Variants in VCF2 observed in about 807,000 individuals in gnomAD.
VCF2 encodes VCP nuclear cofactor family member 2.
At chrX:55,145,903 T>G in the VCF2 span, 3 of 996,429 alleles carry the variant, frequency 3.0e-6, no homozygotes, top group Non-Finnish European at 1.3e-6. Flanking sequence ...AAATAAAAAT[T>G]TCATAAACAT....
At chrX:55,160,952 G>T in the VCF2 span, 9 of 1,162,560 alleles carry the variant, frequency 7.7e-6, no homozygotes, top group Non-Finnish European at 1.0e-5. Context: ...AAGCAGGGCC[G>T]CGCCACCGGC....
At chrX:55,156,448 A>T in the VCF2 span, among the ~76,000 whole-genome samples, 1 of 112,217 alleles carries the variant, frequency 8.9e-6, no homozygotes, top group African/African-American at 3.2e-5. Flanking sequence ...TCCTAACCAA[A>T]TCCATCAGAG....
the VCF2 span, among the ~76,000 whole-genome samples, chrX:55,155,985 C>T: frequency 1.0e-5 from 1 of 99,793 alleles, no homozygotes; most frequent in African/African-American, 3.7e-5. Context: ...ACTCTGTCAC[C>T]CAGGCTAGAG....
chrX:55,148,008 C>A, the VCF2 span, among the ~76,000 whole-genome samples: 1 of 110,756 alleles, frequency 9.0e-6, no homozygotes, highest in Non-Finnish European at 1.9e-5. Context: ...TGCATGCATT[C>A]ATACAACAGA....
the VCF2 span, among the ~76,000 whole-genome samples, chrX:55,159,833 A>G: frequency 8.9e-6 from 1 of 112,560 alleles, no homozygotes; most frequent in African/African-American, 3.2e-5. Flanking sequence ...AATGATTGGT[A>G]AGATTACATC....
chrX:55,157,609 C>T, the VCF2 span, among the ~76,000 whole-genome samples: 5 of 112,126 alleles, frequency 4.5e-5, no homozygotes, highest in Admixed American at 9.4e-5. Context: ...GATTTCCTAT[C>T]AGCTGAAAAA....
chrX:55,146,060 T>C, the VCF2 span: 5 of 1,200,233 alleles, frequency 4.2e-6, no homozygotes, highest in African/African-American at 1.8e-5. Flanking sequence ...ACAGTTTAGG[T>C]TGGAATAAGG....
chrX:55,159,370 C>A, the VCF2 span: 1 of 396,922 alleles, frequency 2.5e-6, no homozygotes, highest in Non-Finnish European at 4.2e-6. Context: ...ATATAAAAGT[C>A]ATATAAGTAC....
At chrX:55,148,869 T>G in the VCF2 span, among the ~76,000 whole-genome samples, 1 of 111,965 alleles carries the variant, frequency 8.9e-6, no homozygotes, top group African/African-American at 3.2e-5. Flanking sequence ...TGAAAAGGCC[T>G]GAGATAATAA....
chrX:55,147,346 C>T, the VCF2 span, among the ~76,000 whole-genome samples: 3 of 111,199 alleles, frequency 2.7e-5, no homozygotes, highest in South Asian at 1.1e-3. Flanking sequence ...CATCTTTATC[C>T]AACTAGAAAC....
At chrX:55,158,527 TAGAAG>T in the VCF2 span, among the ~76,000 whole-genome samples, 1 of 111,365 alleles carries the variant, frequency 9.0e-6, no homozygotes, top group South Asian at 3.8e-4. Context: ...TATTTCAAAA[TAGAAG>T]AGAAGATTTA....
the VCF2 span, among the ~76,000 whole-genome samples, chrX:55,149,349 T>C: frequency 9.0e-6 from 1 of 111,664 alleles, no homozygotes; most frequent in Non-Finnish European, 1.9e-5. Context: ...GCTTTTAAAG[T>C]CCTTGTGCCT....
chrX:55,160,948 G>C, the VCF2 span: 1 of 1,165,015 alleles, frequency 8.6e-7, no homozygotes, highest in Non-Finnish European at 1.1e-6. Flanking sequence ...AGGCAAGCAG[G>C]GCCGCGCCAC....
chrX:55,150,275 G>C, the VCF2 span, among the ~76,000 whole-genome samples: 1 of 111,841 alleles, frequency 8.9e-6, no homozygotes, highest in Non-Finnish European at 1.9e-5. Flanking sequence ...GACCGGTTTT[G>C]TAGAAGACAA....
chrX:55,159,060 T>C, the VCF2 span: 5 of 869,821 alleles, frequency 5.7e-6, no homozygotes, highest in Non-Finnish European at 8.0e-6. Context: ...CTTTTCATTA[T>C]GGAGCACAAA....
At chrX:55,161,009 G>A in the VCF2 span, 1 of 1,168,183 alleles carries the variant, frequency 8.6e-7, no homozygotes, top group African/African-American at 1.8e-5. Flanking sequence ...CACCAACCCC[G>A]GAAGAAAATA....
the VCF2 span, among the ~76,000 whole-genome samples, chrX:55,154,116 T>C: frequency 8.9e-6 from 1 of 111,732 alleles, no homozygotes; most frequent in Non-Finnish European, 1.9e-5. Context: ...TTAACCTTAA[T>C]ACACTTTATT....
chrX:55,161,139 T>C, the VCF2 span: 2 of 1,208,413 alleles, frequency 1.7e-6, no homozygotes, highest in Non-Finnish European at 2.2e-6. Flanking sequence ...GAACTTACCG[T>C]ACAGGGCAGC....
the VCF2 span, chrX:55,145,118 T>C: frequency 7.6e-6 from 1 of 131,019 alleles, no homozygotes; most frequent in Non-Finnish European, 1.4e-5. Flanking sequence ...ATTTTAATAA[T>C]GGAAGCTAGC....
Sources: allele counts gnomAD v4.1 joint callset (sites outside exome capture counted in the v4.1 genomes callset), GRCh38; gene constraint gnomAD v4.1.1; transcripts MANE v1.5; gene names NCBI Gene and HGNC (gene_info 2026-07-23, HGNC 2026-07-21).